Variants in ST3GAL3 observed in about 807,000 individuals in gnomAD.
ST3GAL3 encodes the protein ST3 beta-galactoside alpha-2,3-sialyltransferase 3.
Under a neutral mutation model 50.1 loss-of-function variants are expected in ST3GAL3, and 21 were observed. That is an observed-to-expected ratio of 0.42 (90% CI 0.30 to 0.60). The LOEUF (loss-of-function observed/expected upper bound fraction) is 0.60. Among genes scored for constraint, ST3GAL3 ranks in the 20% least tolerant of loss-of-function variants. The pLI is 0.19. For missense variants in ST3GAL3, 353 were observed against 489.4 expected, an observed-to-expected ratio of 0.72 and a Z score of 2.63; for synonymous variants, 183 against 190.0, an observed-to-expected ratio of 0.96 and a Z score of 0.30.
intron 2 of ST3GAL3, among the ~76,000 whole-genome samples, chr1:43,742,659 GTAAC>G (rs1427590019): frequency 6.6e-5 from 10 of 152,140 alleles, no homozygotes; most frequent in African/African-American, 2.4e-4. Context: ...AGCAGACAAA[GTAAC>G]TATTATGAAT....
intron 1 of ST3GAL3, among the ~76,000 whole-genome samples, chr1:43,708,448 G>T (rs569155894): frequency 1.3e-5 from 2 of 152,192 alleles, no homozygotes; most frequent in Non-Finnish European, 2.9e-5. Flanking sequence ...AAACTTTTCA[G>T]TGGATGTACT....
At chr1:43,884,160 G>A (rs1053296315) in intron 5 of ST3GAL3, among the ~76,000 whole-genome samples, 5 of 152,214 alleles carry the variant, frequency 3.3e-5, no homozygotes, top group Admixed American at 1.3e-4. Context: ...GGATGGGGCC[G>A]TGTTTTCCAG....
At chr1:43,728,383 C>A (rs1673987599) in intron 1 of ST3GAL3, among the ~76,000 whole-genome samples, 2 of 141,482 alleles carry the variant, frequency 1.4e-5, no homozygotes, top group Admixed American at 1.4e-4. Flanking sequence ...AATCTAGGTA[C>A]TAGATATGCT....
chr1:43,774,090 G>C (rs924882879), intron 2 of ST3GAL3, among the ~76,000 whole-genome samples: 6 of 152,054 alleles, frequency 3.9e-5, no homozygotes, highest in African/African-American at 1.4e-4. Flanking sequence ...AGACAGAATA[G>C]CCAAATGCAA....
chr1:43,717,849 C>G (rs1444044386), intron 1 of ST3GAL3, among the ~76,000 whole-genome samples: 6 of 151,658 alleles, frequency 4.0e-5, no homozygotes, highest in Non-Finnish European at 5.9e-5. Flanking sequence ...AAGAACAGAA[C>G]AAATAATTAT....
At chr1:43,923,811 T>C (rs1256527030) in intron 11 of ST3GAL3, among the ~76,000 whole-genome samples, 3 of 151,940 alleles carry the variant, frequency 2.0e-5, no homozygotes, top group Non-Finnish European at 4.4e-5. Flanking sequence ...GATGAGATTT[T>C]GCTATGTTGC....
chr1:43,913,643 T>A (rs530054881), intron 9 of ST3GAL3: 1 of 152,326 alleles, frequency 6.6e-6, no homozygotes, highest in Admixed American at 6.5e-5. Context: ...TTGGTCTTAC[T>A]GTTTCTCCTT....
intron 3 of ST3GAL3, among the ~76,000 whole-genome samples, chr1:43,797,680 A>T (rs1334818513): frequency 6.6e-6 from 1 of 152,210 alleles, no homozygotes; most frequent in Non-Finnish European, 1.5e-5. Flanking sequence ...AGCAAACATC[A>T]TACTTTATGG....
rs971241144 is a variant in ST3GAL3 at position 43,724,860 on chromosome 1, A to G, written c.-30-11373A>G. Among the ~76,000 whole-genome samples the G allele has an allele frequency of 3.3e-5, 5 of 152,344 alleles. No homozygotes were observed. The East Asian group carries it at 7.7e-4, about 23-fold the overall frequency. On this transcript the variant is annotated intron_variant, in intron 1 of 11. Coordinates refer to ENST00000347631, the MANE Select transcript of ST3GAL3 (RefSeq NM_006279.5). ...ATTGCGGGAGGACTGTAAAGTGTCC[A>G]GTGGATGTGGCACTTACGAGGTCAG...
intron 5 of ST3GAL3, among the ~76,000 whole-genome samples, chr1:43,893,969 A>C (rs1273754691): frequency 1.3e-5 from 2 of 152,026 alleles, no homozygotes; most frequent in Non-Finnish European, 2.9e-5. Flanking sequence ...GTCTCCATGT[A>C]CTGGCTGTAT....
In ST3GAL3 at chr1:43,884,214, A is replaced by C. The variant is rs369064629; in HGVS notation, c.303-10169A>C. Among the ~76,000 whole-genome samples the C allele has an allele frequency of 8.7e-4, 133 of 152,278 alleles. 3 individuals are homozygous for C. The South Asian group carries it at 0.027, about 31-fold the overall frequency. ...AAGATACGGAAGCAAGAGCTTCCTG[A>C]ACAGGCTTGGAATAGTACTTGTTGG... On this transcript the variant is annotated intron_variant, in intron 5 of 11. Coordinates refer to ENST00000347631, the MANE Select transcript of ST3GAL3 (RefSeq NM_006279.5).
At chr1:43,924,256 C>G (rs2083525942) in intron 11 of ST3GAL3, among the ~76,000 whole-genome samples, 1 of 152,090 alleles carries the variant, frequency 6.6e-6, no homozygotes, top group African/African-American at 2.4e-5. Context: ...TCACCGTGGC[C>G]CCGAAAGTCT....
At chr1:43,783,798 C>T (rs139157072) in intron 2 of ST3GAL3, among the ~76,000 whole-genome samples, 215 of 152,248 alleles carry the variant, frequency 1.4e-3, no homozygotes, top group African/African-American at 5.0e-3. Context: ...TCCCAGACTT[C>T]CTGATGTCCC....
chr1:43,726,967 C>T (rs1166960026), intron 1 of ST3GAL3, among the ~76,000 whole-genome samples: 2 of 152,234 alleles, frequency 1.3e-5, no homozygotes, highest in Non-Finnish European at 2.9e-5. Context: ...TGAATTATTA[C>T]TATAATGGTT....
At chr1:43,914,630 A>C (rs1328711623) in intron 9 of ST3GAL3, 3 of 152,272 alleles carry the variant, frequency 2.0e-5, no homozygotes, top group Non-Finnish European at 4.4e-5. Context: ...ATAAAGTAAC[A>C]GTCGTGAAAC....
intron 1 of ST3GAL3, among the ~76,000 whole-genome samples, chr1:43,715,717 G>A (rs1316685837): frequency 6.6e-6 from 1 of 152,216 alleles, no homozygotes; most frequent in African/African-American, 2.4e-5. Context: ...GAGCCTAGGA[G>A]GTTGAGGCTG....
chr1:43,900,018 G>A (rs2078022934), intron 9 of ST3GAL3, among the ~76,000 whole-genome samples: 1 of 152,014 alleles, frequency 6.6e-6, no homozygotes. Context: ...GCAGCCCCAG[G>A]GGCCCTTCCC....
At chr1:43,909,599 C>A (rs1195971482) in intron 9 of ST3GAL3, among the ~76,000 whole-genome samples, 1 of 152,118 alleles carries the variant, frequency 6.6e-6, no homozygotes, top group Non-Finnish European at 1.5e-5. Context: ...TATAAAAATA[C>A]AACCAAAGGG....
Position 43,929,548 on chromosome 1 carries a change from G to A in ST3GAL3, c.1039-584G>A, listed in dbSNP as rs968744238. Among the ~76,000 whole-genome samples the A allele has an allele frequency of 3.3e-5, 5 of 152,124 alleles. No individual in the cohort carries two copies. The South Asian group carries it at 1.0e-3, about 31-fold the overall frequency. ...GAACTCCTGACCTCGTGATCCACCC[G>A]CCTCGGCCTCCCAAAGTGCTGGGAT... On this transcript the variant is annotated intron_variant, in intron 11 of 11. Coordinates refer to ENST00000347631, the MANE Select transcript of ST3GAL3 (RefSeq NM_006279.5).
Sources: gnomAD v4.1 joint callset for allele counts (sites outside exome capture counted in the v4.1 genomes callset) on GRCh38, gnomAD v4.1.1 for gene constraint, MANE v1.5 for transcripts, NCBI Gene and HGNC (gene_info 2026-07-23, HGNC 2026-07-21) for gene names.